Variants in CSMD1 observed in about 807,000 individuals in gnomAD.
The protein encoded by CSMD1 is CUB and Sushi multiple domains 1.
Under a neutral mutation model 417.5 loss-of-function variants are expected in CSMD1, and 213 were observed. The ratio of observed to expected loss-of-function variants is 0.51; its 90% CI spans 0.46 to 0.57. The LOEUF (loss-of-function observed/expected upper bound fraction) is 0.57, where lower values mean the gene tolerates loss of function less well. Ranked by LOEUF, CSMD1 falls within the 20% of genes least tolerant of loss-of-function variation. CSMD1 has a pLI of 0.00. For synonymous variants in CSMD1, 2,862 were observed against 1,736.8 expected, an observed-to-expected ratio of 1.65 and a Z score of -16.11; for missense variants, 6,923 against 4,529.7, an observed-to-expected ratio of 1.53 and a Z score of -15.17.
intron 2 of CSMD1, among the ~76,000 whole-genome samples, chr8:4,581,863 T>C (rs1799434670): frequency 6.6e-6 from 1 of 152,180 alleles, no homozygotes; most frequent in Admixed American, 6.6e-5. Context: ...TGGACTCTTC[T>C]ACCTCCTCCA....
At chr8:3,824,653 T>C (rs1445439364) in intron 5 of CSMD1, among the ~76,000 whole-genome samples, 1 of 152,176 alleles carries the variant, frequency 6.6e-6, no homozygotes. Flanking sequence ...GAAATAGCAT[T>C]TGTTATATAT....
intron 5 of CSMD1, among the ~76,000 whole-genome samples, chr8:3,839,757 C>A (rs964504812): frequency 6.6e-6 from 1 of 151,052 alleles, no homozygotes; most frequent in African/African-American, 2.4e-5. Context: ...ATGAGTGCTG[C>A]CACTGCTCAG....
At chr8:4,153,068 G>A (rs1796654204) in intron 3 of CSMD1, among the ~76,000 whole-genome samples, 1 of 152,116 alleles carries the variant, frequency 6.6e-6, no homozygotes. Flanking sequence ...GTTTTTGAAG[G>A]GGGTATGATT....
At chr8:3,470,564 A>G (rs917233669) in intron 11 of CSMD1, among the ~76,000 whole-genome samples, 3 of 152,128 alleles carry the variant, frequency 2.0e-5, no homozygotes, top group Non-Finnish European at 4.4e-5. Flanking sequence ...AGCTCTGCAC[A>G]AATACGTCAC....
intron 1 of CSMD1, among the ~76,000 whole-genome samples, chr8:4,665,197 C>G (rs150021816): frequency 6.6e-6 from 1 of 152,122 alleles, no homozygotes; most frequent in Non-Finnish European, 1.5e-5. Context: ...CAAACCCTGG[C>G]GGCTTCTTTC....
At chr8:4,399,091 A>G (rs1328208155) in intron 3 of CSMD1, among the ~76,000 whole-genome samples, 1 of 152,224 alleles carries the variant, frequency 6.6e-6, no homozygotes, top group African/African-American at 2.4e-5. Context: ...ACTTTTAGCC[A>G]TGTAAATGCT....
chr8:4,257,421 C>A (rs995653470), intron 3 of CSMD1, among the ~76,000 whole-genome samples: 1 of 148,676 alleles, frequency 6.7e-6, no homozygotes, highest in African/African-American at 2.6e-5. Context: ...TGGATTTGCA[C>A]TTTTCTCTCT....
chr8:4,684,230 T>C (rs1019292108), intron 1 of CSMD1, among the ~76,000 whole-genome samples: 9 of 152,242 alleles, frequency 5.9e-5, no homozygotes, highest in African/African-American at 1.4e-4. Context: ...TTTTCTTCTT[T>C]ATACTTCGGA....
intron 29 of CSMD1, among the ~76,000 whole-genome samples, chr8:3,218,521 G>A (rs1798012893): frequency 7.0e-6 from 1 of 142,716 alleles, no homozygotes; most frequent in African/African-American, 2.6e-5. Context: ...AGATCACACT[G>A]CAGCACTCCA....
chr8:3,801,362 C>G (rs1414331448), intron 5 of CSMD1, among the ~76,000 whole-genome samples: 1 of 152,026 alleles, frequency 6.6e-6, no homozygotes, highest in Non-Finnish European at 1.5e-5. Context: ...TGAAAAGATG[C>G]TAAAGATCAT....
At chr8:3,335,637 T>C (rs1373382636) in intron 23 of CSMD1, among the ~76,000 whole-genome samples, 1 of 152,044 alleles carries the variant, frequency 6.6e-6, no homozygotes, top group Non-Finnish European at 1.5e-5. Context: ...GCTCGTGCCA[T>C]TGCACTCCAG....
At position 4,927,216 on chromosome 8, in the gene CSMD1, T is replaced by G. The variant is rs112520177; in HGVS notation, c.85+67116A>C. Among the ~76,000 whole-genome samples the G allele has an allele frequency of 8.1e-3, 1,216 of 150,828 alleles. 12 individuals carry two copies. The highest frequency in any genetic ancestry group is 0.028 in the African/African-American group (1,136 of 40,832). ...CCACCTCCCACGTTCAAGTGCTTTT[T>G]GGCTAATTTTTTTTTATTTTTAGTA... On this transcript the variant is annotated intron_variant, in intron 1 of 69. Coordinates refer to ENST00000635120, the MANE Select transcript of CSMD1 (RefSeq NM_033225.6).
chr8:4,766,048 C>A (rs868629204), intron 1 of CSMD1, among the ~76,000 whole-genome samples: 2 of 152,032 alleles, frequency 1.3e-5, no homozygotes, highest in Admixed American at 1.3e-4. Flanking sequence ...TGTTTGGAAA[C>A]TATGTGGAAA....
chr8:4,631,211 A>T (rs1802490220), intron 2 of CSMD1, among the ~76,000 whole-genome samples: 1 of 151,842 alleles, frequency 6.6e-6, no homozygotes. Context: ...AAAATACAAA[A>T]ATTAGCCAGG....
intron 2 of CSMD1, among the ~76,000 whole-genome samples, chr8:4,573,647 G>A (rs891528998): frequency 2.0e-5 from 3 of 152,138 alleles, no homozygotes; most frequent in South Asian, 2.1e-4. Flanking sequence ...GAGCTTGAGT[G>A]CTGTGGTAGG....
intron 3 of CSMD1, among the ~76,000 whole-genome samples, chr8:4,131,762 T>TTC (rs1346558677): frequency 7.3e-6 from 1 of 136,186 alleles, no homozygotes; most frequent in African/African-American, 2.7e-5. Context: ...GTGACTTTTT[T>TTC]TTTTTTTTTT....
chr8:3,493,824 T>C (rs755157176), intron 10 of CSMD1, 98 bp from the exon 11 acceptor site: 4 of 918,808 alleles, frequency 4.4e-6, no homozygotes, highest in Non-Finnish European at 6.7e-6. Context: ...TAAATTTTGC[T>C]CCTTAATGCC....
chr8:3,193,089 G>A (rs1345040082), intron 33 of CSMD1, among the ~76,000 whole-genome samples: 1 of 152,134 alleles, frequency 6.6e-6, no homozygotes, highest in Non-Finnish European at 1.5e-5. Flanking sequence ...AGAGGCTTCA[G>A]GTATTGCATC....
chr8:4,351,699 A>C (rs1584942565), intron 3 of CSMD1, among the ~76,000 whole-genome samples: 1 of 152,176 alleles, frequency 6.6e-6, no homozygotes, highest in East Asian at 1.9e-4. Flanking sequence ...AATCCTTAGG[A>C]GGAATTAGCC....
Sources: gnomAD v4.1 joint callset for allele counts (sites outside exome capture counted in the v4.1 genomes callset) on GRCh38, gnomAD v4.1.1 for gene constraint, MANE v1.5 for transcripts, NCBI Gene and HGNC (gene_info 2026-07-23, HGNC 2026-07-21) for gene names.